The following MOB1B variants were observed in gnomAD, a reference collection of about 807,000 sequenced individuals.
The protein encoded by MOB1B is MOB kinase activator 1B.
MOB1B carries 19 observed loss-of-function variants against 24.4 expected under a neutral mutation model. The ratio of observed to expected loss-of-function variants is 0.78; its 90% CI spans 0.54 to 1.14. The LOEUF is 1.14. Ranked by LOEUF, MOB1B falls within the 50% of genes most tolerant of loss-of-function variation. The pLI, the probability that MOB1B is intolerant of heterozygous loss-of-function variation, is 0.00. For missense variants in MOB1B, 243 were observed against 259.6 expected, an observed-to-expected ratio of 0.94 and a Z score of 0.44; for synonymous variants, 76 against 82.1, an observed-to-expected ratio of 0.93 and a Z score of 0.40.
chr4:70,970,562 G>C (rs1738714142), intron 3 of MOB1B, among the ~76,000 whole-genome samples: 1 of 152,140 alleles, frequency 6.6e-6, no homozygotes, highest in South Asian at 2.1e-4. Flanking sequence ...TTGCCACCTT[G>C]TTTTAACACC....
chr4:70,933,341 A>G (rs887182726), intron 1 of MOB1B, among the ~76,000 whole-genome samples: 3 of 152,172 alleles, frequency 2.0e-5, no homozygotes, highest in African/African-American at 7.2e-5. Context: ...TCAATTATAT[A>G]GTATATTTAG....
chr4:70,943,720 A>G (rs1479401923), intron 1 of MOB1B, among the ~76,000 whole-genome samples: 1 of 152,194 alleles, frequency 6.6e-6, no homozygotes, highest in African/African-American at 2.4e-5. Context: ...GTAGAAGACT[A>G]TACGTGTACC....
At chr4:70,939,099 C>T (rs1737222471) in intron 1 of MOB1B, among the ~76,000 whole-genome samples, 1 of 152,154 alleles carries the variant, frequency 6.6e-6, no homozygotes. Context: ...TTAAGAATAT[C>T]TACTAATACA....
intron 3 of MOB1B, 96 bp downstream of exon 3, chr4:70,970,120 C>A: frequency 1.4e-6 from 1 of 692,702 alleles, no homozygotes; most frequent in Admixed American, 2.8e-5. Flanking sequence ...TTCTACTTAT[C>A]GTCTCTTTCT....
chr4:70,904,241 C>T (rs963567553), intron 1 of MOB1B, among the ~76,000 whole-genome samples: 12 of 151,748 alleles, frequency 7.9e-5, no homozygotes, highest in East Asian at 2.0e-4. Flanking sequence ...GCCTTGATCT[C>T]CCAAAGTGCT....
At position 70,976,982 on chromosome 4, in the gene MOB1B, C is replaced by T. The variant is rs75818894; in HGVS notation, c.409+1696C>T. On this transcript the variant is annotated intron_variant, in intron 4 of 5. Transcript: ENST00000309395. ...TCTTCCTCCTTCCCTCTCCCTCTCC[C>T]GAGCCTCTTTCACACATACACATAC... 9.5e-3 allele frequency among the ~76,000 whole-genome samples: 1,444 copies of T among 152,046 alleles called. 31 individuals carry two copies. Among genetic ancestry groups the T allele is most frequent in the African/African-American group, 0.033 (1,371 of 41,450 alleles).
At chr4:70,923,234 C>T (rs2050869989) in intron 1 of MOB1B, among the ~76,000 whole-genome samples, 2 of 152,142 alleles carry the variant, frequency 1.3e-5, no homozygotes, top group Non-Finnish European at 2.9e-5. Flanking sequence ...GGGCTCAGAA[C>T]TTCTAGACCT....
chr4:70,940,137 C>T (rs900981044), intron 1 of MOB1B, among the ~76,000 whole-genome samples: 5 of 151,856 alleles, frequency 3.3e-5, no homozygotes, highest in African/African-American at 1.2e-4. Context: ...CACGTCCAGC[C>T]GCTTGTGTCT....
At chr4:70,941,175 T>TC (rs1737320510) in intron 1 of MOB1B, among the ~76,000 whole-genome samples, 2 of 150,668 alleles carry the variant, frequency 1.3e-5, no homozygotes. Context: ...TTTTTTTTTT[T>TC]CTTTTCTATG....
chr4:70,964,542 A>G (rs1738435681), intron 2 of MOB1B, among the ~76,000 whole-genome samples: 1 of 152,244 alleles, frequency 6.6e-6, no homozygotes, highest in African/African-American at 2.4e-5. Context: ...ACATAAATAC[A>G]TATATTATAA....
rs756915946 is a variant in MOB1B at position 70,984,746 on chromosome 4, CAA to C, written c.*2693_*2694del. The C allele has an allele frequency of 6.6e-6, 1 of 152,084 alleles. No individual in the cohort carries two copies. Among genetic ancestry groups the C allele is most frequent in the African/African-American group, 2.4e-5 (1 of 41,420 alleles). 9.4% of individuals were successfully genotyped at this position (152,084 alleles called of 1,614,324 possible). On this transcript the variant is annotated 3_prime_UTR_variant, in exon 6 of 6. Transcript: ENST00000309395. ...AGTGGTGGTAGAGAGAAATTAATAA[CAA>C]AAAGAGTGAAAATATTTTAATTAGC...
Position 70,923,279 on chromosome 4 carries a change from C to G in MOB1B, c.14+20729C>G, listed in dbSNP as rs553343832. Among the ~76,000 whole-genome samples the G allele has an allele frequency of 2.6e-5, 4 of 152,268 alleles. 1 individual carries two copies. The highest frequency in any genetic ancestry group is 9.6e-5 in the African/African-American group (4 of 41,544). The stretch of plus-strand genomic sequence containing the variant: ...TGCAAGAGCATCCTCTTTGGGGAGG[C>G]TGAGGTCCACAGGATCCCCCAGAGC... On this transcript the variant is annotated intron_variant, in intron 1 of 5. Coordinates refer to ENST00000309395, the MANE Select transcript of MOB1B (RefSeq NM_173468.4).
chr4:70,943,891 C>T (rs1044982621), intron 1 of MOB1B, among the ~76,000 whole-genome samples: 1 of 151,888 alleles, frequency 6.6e-6, no homozygotes, highest in Non-Finnish European at 1.5e-5. Flanking sequence ...CAAAACATTT[C>T]CCTTTTTGAG....
chr4:70,928,527 C>T (rs2148877627), intron 1 of MOB1B, among the ~76,000 whole-genome samples: 1 of 152,106 alleles, frequency 6.6e-6, no homozygotes, highest in South Asian at 2.1e-4. Context: ...GAACTCTTGA[C>T]CTCGTGATCC....
At chr4:70,913,288 G>C (rs545315259) in intron 1 of MOB1B, among the ~76,000 whole-genome samples, 1 of 151,758 alleles carries the variant, frequency 6.6e-6, no homozygotes, top group African/African-American at 2.4e-5. Flanking sequence ...ATGTATGTAT[G>C]TATGTATGTA....
At chr4:70,947,476 T>A (rs144319402) in intron 1 of MOB1B, among the ~76,000 whole-genome samples, 224 of 152,192 alleles carry the variant, frequency 1.5e-3, no homozygotes, top group African/African-American at 5.3e-3. Flanking sequence ...AGTCTTACTA[T>A]GTTGCTCAGG....
Position 70,924,573 on chromosome 4 carries a change from G to A in MOB1B, c.14+22023G>A, listed in dbSNP as rs183228403. Among the ~76,000 whole-genome samples the A allele has an allele frequency of 1.9e-3, 284 of 152,186 alleles. 1 individual carries two copies. The highest frequency in any genetic ancestry group is 6.5e-3 in the African/African-American group (268 of 41,528). On this transcript the variant is annotated intron_variant, in intron 1 of 5. Coordinates refer to ENST00000309395, the MANE Select transcript of MOB1B (RefSeq NM_173468.4). ...AGGTATACATGTGCCGTGTTGGTTT[G>A]CTGCATCCATCAATTCATCATTTAC...
At chr4:70,958,092 C>T (rs1210278505) in intron 1 of MOB1B, among the ~76,000 whole-genome samples, 2 of 151,926 alleles carry the variant, frequency 1.3e-5, no homozygotes, top group African/African-American at 4.8e-5. Context: ...AACTGCTTAA[C>T]CAGAATTCTG....
chr4:70,950,759 A>AGT (rs1471442067), intron 1 of MOB1B: 2 of 1,534,644 alleles, frequency 1.3e-6, no homozygotes, highest in African/African-American at 2.7e-5. Context: ...CGAATACCTG[A>AGT]TCTGTAGTGT....
Sources: allele counts gnomAD v4.1 joint callset (sites outside exome capture counted in the v4.1 genomes callset), GRCh38; gene constraint gnomAD v4.1.1; transcripts MANE v1.5; gene names NCBI Gene and HGNC (gene_info 2026-07-23, HGNC 2026-07-21).